The following HEATR4 variants were observed in gnomAD, a reference collection of about 807,000 sequenced individuals.
HEATR4 encodes the protein HEAT repeat-containing protein 4.
Under a neutral mutation model 108.8 loss-of-function variants are expected in HEATR4, and 95 were observed. The ratio of observed to expected loss-of-function variants is 0.87; its 90% CI spans 0.74 to 1.04. HEATR4 has a LOEUF of 1.04. Among genes scored for constraint, HEATR4 ranks in the 50% least tolerant of loss-of-function variants. HEATR4 has a pLI of 0.00. For synonymous variants in HEATR4, 443 were observed against 459.4 expected, an observed-to-expected ratio of 0.96 and a Z score of 0.46; for missense variants, 1,152 against 1,253.8, an observed-to-expected ratio of 0.92 and a Z score of 1.23.
At chr14:73,597,309 C>T in the HEATR4 span, among the ~76,000 whole-genome samples, 1 of 151,848 alleles carries the variant, frequency 6.6e-6, no homozygotes, top group Non-Finnish European at 1.5e-5. Context: ...TGGTCTCGAT[C>T]TCCTGACCTC....
intron 7 of HEATR4, among the ~76,000 whole-genome samples, chr14:73,510,021 C>T (rs1887142031): frequency 1.3e-5 from 2 of 150,052 alleles, no homozygotes; most frequent in Admixed American, 1.3e-4. Flanking sequence ...CTACAGGCAC[C>T]CAGCTAATTT....
At chr14:73,581,194 G>A in the HEATR4 span, 13 of 149,834 alleles carry the variant, frequency 8.7e-5, no homozygotes, top group Admixed American at 2.7e-4. Context: ...GCTGTAACAA[G>A]ATGTGTTAGA....
chr14:73,592,602 C>T, the HEATR4 span, among the ~76,000 whole-genome samples: 2 of 152,200 alleles, frequency 1.3e-5, no homozygotes, highest in African/African-American at 4.8e-5. Context: ...CCTGTAATCC[C>T]AGCACTTTGG....
intron 5 of HEATR4, among the ~76,000 whole-genome samples, chr14:73,518,030 G>A (rs917236071): frequency 6.6e-6 from 1 of 152,194 alleles, no homozygotes; most frequent in African/African-American, 2.4e-5. Context: ...AGGTTGCAGT[G>A]AGCCGAGATC....
At chr14:73,514,825 T>C (rs183363234) in intron 5 of HEATR4, among the ~76,000 whole-genome samples, 7 of 152,220 alleles carry the variant, frequency 4.6e-5, no homozygotes, top group Non-Finnish European at 8.8e-5. Flanking sequence ...TCCCAGTACT[T>C]TGGGAGGCCG....
Position 73,500,663 on chromosome 14 carries a change from G to T in HEATR4, c.2173C>A (p.Leu725Ile). 2 of 1,614,216 alleles carry T rather than the reference G, an allele frequency of 1.2e-6. No individual in the cohort carries two copies. Among genetic ancestry groups the T allele is most frequent in the Non-Finnish European group, 1.7e-6 (2 of 1,180,044 alleles). The part of the protein sequence containing the change: ...EALYLIGELK[L>I]MTAKLLPSFL... The stretch of plus-strand genomic sequence containing the variant: ...CTTGGGAGAAGCTTGGCGGTCATAA[G>T]CTTGAGCTCACCTATCAGGTAGAGA... Residue 725 changes from leucine to isoleucine, a missense_variant, in exon 12 of 18, where the codon CTT becomes ATT. By Grantham distance (5) the Leu-to-Ile change is conservative. Coordinates refer to ENST00000553558, the MANE Select transcript of HEATR4 (RefSeq NM_001220484.1).
chr14:73,545,934 A>G lies in HEATR4; in HGVS notation c.-152+12817T>C, dbSNP rs184543323. ...GGCTGAGGCAGTAGTAGTATTGCTT[A>G]AGCCCAGGAGTTCAAGCCAGCCTGG... On this transcript the variant is annotated intron_variant, in intron 1 of 17. Transcript: ENST00000553558. 9.2e-4 allele frequency among the ~76,000 whole-genome samples: 105 copies of G among 113,748 alleles called. 3 individuals carry two copies. Among genetic ancestry groups the G allele is most frequent in the African/African-American group, 2.9e-3 (101 of 35,202 alleles). The allele number at this position is 113,748 out of a possible 152,430, so 74.6% of individuals were successfully genotyped here.
the HEATR4 span, among the ~76,000 whole-genome samples, chr14:73,589,125 G>A: frequency 3.3e-5 from 5 of 150,472 alleles, no homozygotes; most frequent in African/African-American, 7.5e-5. Flanking sequence ...TTTAGGGTTC[G>A]TTTGTTCTAC....
the HEATR4 span, chr14:73,595,537 ATGGGG>A: frequency 4.3e-6 from 7 of 1,610,668 alleles, no homozygotes; most frequent in East Asian, 1.3e-4. Flanking sequence ...AACATGTTAT[ATGGGG>A]TGGGGAGCCC....
chr14:73,480,986 A>T (rs1367913503), intron 17 of HEATR4: 1 of 151,772 alleles, frequency 6.6e-6, no homozygotes, highest in Non-Finnish European at 1.5e-5. Context: ...ACTGCACTCC[A>T]GCCTGGGCAG....
intron 17 of HEATR4, chr14:73,491,144 C>A (rs1156968801): frequency 1.2e-6 from 2 of 1,607,826 alleles, no homozygotes; most frequent in African/African-American, 2.7e-5. Flanking sequence ...ACGAAAGCAG[C>A]TGCGAAGTGT....
At chr14:73,510,307 A>G (rs1168953396) in intron 7 of HEATR4, among the ~76,000 whole-genome samples, 2 of 152,146 alleles carry the variant, frequency 1.3e-5, no homozygotes, top group Non-Finnish European at 2.9e-5. Flanking sequence ...TTTTGGTTCA[A>G]CTAAACAGTA....
upstream of HEATR4, among the ~76,000 whole-genome samples, chr14:73,560,387 G>A (rs1444565805): frequency 6.6e-6 from 1 of 152,126 alleles, no homozygotes; most frequent in African/African-American, 2.4e-5. Context: ...GACTGAGCCA[G>A]GCGCTGTGGC....
chr14:73,588,143 A>G, the HEATR4 span, among the ~76,000 whole-genome samples: 1 of 152,024 alleles, frequency 6.6e-6, no homozygotes, highest in Non-Finnish European at 1.5e-5. Flanking sequence ...CTGGGATTAC[A>G]GGGCCGTACC....
At chr14:73,603,737 TTTTC>T in the HEATR4 span, among the ~76,000 whole-genome samples, 22 of 150,682 alleles carry the variant, frequency 1.5e-4, no homozygotes, top group Non-Finnish European at 2.2e-4. Context: ...TTTTCTTTTC[TTTTC>T]TTTTTTTTTT....
the HEATR4 span, among the ~76,000 whole-genome samples, chr14:73,604,883 A>G: frequency 6.6e-6 from 1 of 152,202 alleles, no homozygotes; most frequent in African/African-American, 2.4e-5. Flanking sequence ...ATAAGCAGGC[A>G]CAGCTGGAAG....
intron 10 of HEATR4, among the ~76,000 whole-genome samples, chr14:73,504,970 C>T (rs765683989): frequency 1.5e-4 from 23 of 151,924 alleles, no homozygotes; most frequent in Admixed American, 6.6e-4. Flanking sequence ...CTCGCTCTGT[C>T]GCCCAGGCTG....
chr14:73,490,605 C>T (rs1385098182), intron 17 of HEATR4, among the ~76,000 whole-genome samples: 1 of 152,142 alleles, frequency 6.6e-6, no homozygotes, highest in Admixed American at 6.5e-5. Flanking sequence ...ACAGGCGGAG[C>T]CACCGCGCCC....
rs139754765 is a variant in HEATR4 at position 73,498,189 on chromosome 14, C to T, written c.2512G>A (p.Val838Met). The change falls in exon 14 of 18, where the codon GTG (valine) becomes ATG (methionine). Residue 838 changes from valine to methionine, a missense_variant. By Grantham distance (21) the Val-to-Met change is conservative. Coordinates refer to ENST00000553558, the MANE Select transcript of HEATR4 (RefSeq NM_001220484.1). ...GCATCGTGGTTCTCCAGGAGCAGCA[C>T]GTCTAGGAAGGTGTCCCTGACCCGG... ...GDRVRDTFLD[V>M]LLLENHDAVL... The T allele has an allele frequency of 7.7e-5, 124 of 1,613,518 alleles. No homozygotes were observed. The African/African-American group carries it at 1.0e-3, about 13-fold the overall frequency.
Sources: gnomAD v4.1 joint callset for allele counts (sites outside exome capture counted in the v4.1 genomes callset) on GRCh38, gnomAD v4.1.1 for gene constraint, MANE v1.5 for transcripts, NCBI Gene and HGNC (gene_info 2026-07-23, HGNC 2026-07-21) for gene names.